Variants in OR11A1 observed in about 807,000 individuals in gnomAD.
OR11A1 encodes olfactory receptor 11A1.
For synonymous variants in OR11A1, 158 were observed against 152.2 expected (o/e 1.04, Z -0.28); for missense variants, 380 against 378.2 (o/e 1.00, Z -0.04).
chr6:29,436,131 A>C (rs1385758656), intron 1 of OR11A1, among the ~76,000 whole-genome samples: 1 of 152,192 alleles, frequency 6.6e-6, no homozygotes, highest in Non-Finnish European at 1.5e-5. Context: ...TCGTTCATGG[A>C]CAAGTGCATG....
At chr6:29,441,634 A>C (rs1457846144) in intron 1 of OR11A1, among the ~76,000 whole-genome samples, 1 of 152,158 alleles carries the variant, frequency 6.6e-6, no homozygotes, top group African/African-American at 2.4e-5. Flanking sequence ...GTACATGTGC[A>C]GGTTTGTTAT....
At chr6:29,437,008 G>A (rs1343889749) in intron 1 of OR11A1, among the ~76,000 whole-genome samples, 1 of 152,206 alleles carries the variant, frequency 6.6e-6, no homozygotes, top group African/African-American at 2.4e-5. Flanking sequence ...ACACCAGCTA[G>A]AATGCCGATC....
chr6:29,439,402 A>T (rs1783905834), intron 1 of OR11A1: 1 of 152,292 alleles, frequency 6.6e-6, no homozygotes, highest in Non-Finnish European at 1.5e-5. Context: ...GAACTGTTTA[A>T]TGCTATAGGA....
At chr6:29,448,010 CTTTTTTTTTT>C (rs9280602) in intron 1 of OR11A1, among the ~76,000 whole-genome samples, 1 of 79,950 alleles carries the variant, frequency 1.3e-5, no homozygotes, top group East Asian at 4.4e-4. Context: ...ATGACCCTTT[CTTTTTTTTTT>C]TTTTTTTTTT....
chr6:29,435,086 T>A (rs1783528163), intron 1 of OR11A1, among the ~76,000 whole-genome samples: 1 of 152,260 alleles, frequency 6.6e-6, no homozygotes, highest in Admixed American at 6.5e-5. Flanking sequence ...CAACTTGATA[T>A]ATGTTGTACT....
At chr6:29,440,210 C>T (rs1784003158) in intron 1 of OR11A1, 2 of 1,613,952 alleles carry the variant, frequency 1.2e-6, no homozygotes, top group Non-Finnish European at 1.7e-6. Flanking sequence ...TGCGCACCCT[C>T]TCGGCCTTGG....
At chr6:29,446,774 C>T (rs1286991051) in intron 1 of OR11A1, among the ~76,000 whole-genome samples, 1 of 152,128 alleles carries the variant, frequency 6.6e-6, no homozygotes, top group East Asian at 1.9e-4. Flanking sequence ...AGTGACCAAG[C>T]CCTAATGAAA....
At chr6:29,455,703 C>G (rs1353802222) in intron 1 of OR11A1, among the ~76,000 whole-genome samples, 1 of 151,646 alleles carries the variant, frequency 6.6e-6, no homozygotes, top group East Asian at 1.9e-4. Flanking sequence ...TGGTGAAACC[C>G]CCTCTCTACT....
intron 1 of OR11A1, among the ~76,000 whole-genome samples, chr6:29,433,373 TTC>T (rs1310392798): frequency 3.3e-5 from 5 of 152,206 alleles, no homozygotes; most frequent in South Asian, 2.1e-4. Flanking sequence ...CACCATTCTA[TTC>T]TCTGTTTCTG....
At chr6:29,442,210 G>C (rs1784260761) in intron 1 of OR11A1, among the ~76,000 whole-genome samples, 1 of 152,166 alleles carries the variant, frequency 6.6e-6, no homozygotes, top group Non-Finnish European at 1.5e-5. Flanking sequence ...CCCAGAGGAA[G>C]GTGGAAGAAG....
intron 1 of OR11A1, among the ~76,000 whole-genome samples, chr6:29,451,950 G>A (rs1243068459): frequency 6.6e-6 from 1 of 152,094 alleles, no homozygotes; most frequent in Non-Finnish European, 1.5e-5. Flanking sequence ...ACAGTGGACT[G>A]GAGAAGAAAA....
intron 1 of OR11A1, among the ~76,000 whole-genome samples, chr6:29,432,620 C>T (rs1015680109): frequency 2.0e-5 from 3 of 152,208 alleles, no homozygotes; most frequent in African/African-American, 2.4e-5. Flanking sequence ...AGGAAGGTGG[C>T]GTGATGTTAC....
Position 29,427,431 on chromosome 6 carries a change from G to C in OR11A1, c.211C>G (p.Leu71Val). 6.2e-7 allele frequency: 1 copy of C among 1,613,102 alleles called. No homozygotes were observed. Among genetic ancestry groups the C allele is most frequent in the Admixed American group, 1.7e-5 (1 of 60,030 alleles). Reference protein sequence around the residue: ...MYIFLANLSFLDILYTSAVMP... With the variant: ...MYIFLANLSFVDILYTSAVMP... ...ACTGCGGAGGTGTAGAGAATATCCA[G>C]GAAGGACAGATTCGCCAAGAAAATA... Residue 71 changes from leucine to valine, a missense_variant, in exon 5 of 5, where the codon CTG (leucine) becomes GTG (valine). Leu to Val is a conservative substitution (Grantham distance 32). Transcript: ENST00000377149.
intron 1 of OR11A1, among the ~76,000 whole-genome samples, chr6:29,443,795 CAA>C (rs1301212330): frequency 2.0e-5 from 3 of 152,238 alleles, no homozygotes; most frequent in Non-Finnish European, 4.4e-5. Flanking sequence ...AGGAAATGTG[CAA>C]TTCCTCACGA....
rs764675856 is a variant in OR11A1, at chr6:29,440,984, G to A, written c.-388-8997C>T. On this transcript the variant is annotated intron_variant, in intron 1 of 4. Transcript: ENST00000377149. Reference sequence around the variant, plus strand: ...GGGGCGATAGTGACTTCTGTGCAGTGCTCTGAGTCAGTCCCAAATACCTAA... The same window carrying A: ...GGGGCGATAGTGACTTCTGTGCAGTACTCTGAGTCAGTCCCAAATACCTAA... 30 of 1,409,124 alleles carry A rather than the reference G, an allele frequency of 2.1e-5. No homozygotes were observed. In the South Asian group the frequency reaches 2.7e-4, roughly 13 times the overall value. 87.3% of individuals were successfully genotyped at this position (1,409,124 alleles called of 1,614,324 possible).
Position 29,455,874 on chromosome 6 carries a change from C to CG in OR11A1, c.-389+1112_-389+1113insC, listed in dbSNP as rs35572589. On this transcript the variant is annotated intron_variant, in intron 1 of 4. Transcript: ENST00000377149. Reference sequence around the variant, plus strand: ...CTAGGAGACAGAATGAGACTTGTCTCAAAAAAAAAAAAAAAAAAAAGGAAA... The same window carrying CG: ...CTAGGAGACAGAATGAGACTTGTCTCGAAAAAAAAAAAAAAAAAAAAGGAAA... Among the ~76,000 whole-genome samples the CG allele has an allele frequency of 2.1e-4, 17 of 81,000 alleles. No individual in the cohort carries two copies. In the South Asian group the frequency reaches 6.0e-3, roughly 29 times the overall value. The allele number at this position is 81,000 out of a possible 152,430, so 53.1% of individuals were successfully genotyped here. A position where few individuals can be genotyped will look rare whatever the true frequency, so the allele number is the denominator to read the frequency against.
At position 29,448,969 on chromosome 6, in the gene OR11A1, CA is replaced by C. The variant is rs200525468; in HGVS notation, c.-389+8017del. Among the ~76,000 whole-genome samples, 1,006 of 152,258 alleles carry C rather than the reference CA, an allele frequency of 6.6e-3. 9 individuals carry two copies. Among genetic ancestry groups the C allele is most frequent in the Middle Eastern group, 0.01 (3 of 294 alleles). On this transcript the variant is annotated intron_variant, in intron 1 of 4. Coordinates refer to ENST00000377149, the MANE Select transcript of OR11A1 (RefSeq NM_001394828.1). The stretch of plus-strand genomic sequence containing the variant: ...ACTTTAACCTCTAACTTCTCCTAAT[CA>C]ATATGCCTTAAAACTCTTTCAGTGA...
intron 1 of OR11A1, among the ~76,000 whole-genome samples, chr6:29,432,738 T>C (rs947083703): frequency 6.6e-6 from 1 of 152,168 alleles, no homozygotes; most frequent in Admixed American, 6.6e-5. Flanking sequence ...TCCACAGAAA[T>C]CAGGCTGATA....
At chr6:29,437,128 G>A (rs1401665023) in intron 1 of OR11A1, among the ~76,000 whole-genome samples, 2 of 152,192 alleles carry the variant, frequency 1.3e-5, no homozygotes, top group Non-Finnish European at 2.9e-5. Context: ...AAGTCAGTGT[G>A]GCGATTCCTC....
Sources: gnomAD v4.1 joint callset for allele counts (sites outside exome capture counted in the v4.1 genomes callset) on GRCh38, gnomAD v4.1.1 for gene constraint, MANE v1.5 for transcripts, NCBI Gene and HGNC (gene_info 2026-07-23, HGNC 2026-07-21) for gene names.